Variants in RIMS2 observed in about 807,000 individuals in gnomAD.
RIMS2 encodes the protein regulating synaptic membrane exocytosis protein 2.
In RIMS2, 59 loss-of-function variants were observed where a neutral mutation model predicts 174.4. The observed-to-expected ratio is 0.34, with a 90% CI of 0.27 to 0.42. RIMS2 has a LOEUF of 0.42. RIMS2 is among the 10% of genes least tolerant of loss of function. The probability of loss-of-function intolerance (pLI) is 1.00; values close to 1 mark genes in which losing one functional copy is unlikely to be tolerated. For synonymous variants in RIMS2, 606 were observed against 572.5 expected (o/e 1.06, Z -0.84); for missense variants, 1,620 against 1,666.3 (o/e 0.97, Z 0.48).
chr8:103,773,711 CAA>C (rs905470395), intron 3 of RIMS2, among the ~76,000 whole-genome samples: 5 of 151,958 alleles, frequency 3.3e-5, no homozygotes, highest in African/African-American at 1.2e-4. Context: ...GCCTGGGCGA[CAA>C]GAGCAAAACT....
intron 19 of RIMS2, among the ~76,000 whole-genome samples, chr8:104,057,198 A>G (rs987183157): frequency 6.6e-6 from 1 of 151,044 alleles, no homozygotes; most frequent in Non-Finnish European, 1.5e-5. Context: ...TCCCATGCAT[A>G]TGGGACCACA....
At chr8:104,067,590 C>T (rs1222710469) in intron 19 of RIMS2, among the ~76,000 whole-genome samples, 1 of 152,004 alleles carries the variant, frequency 6.6e-6, no homozygotes, top group Non-Finnish European at 1.5e-5. Flanking sequence ...CGGGGTCATG[C>T]TATATTGCCC....
intron 1 of RIMS2, among the ~76,000 whole-genome samples, chr8:103,664,429 A>G (rs950774395): frequency 2.6e-5 from 4 of 152,202 alleles, no homozygotes; most frequent in South Asian, 2.1e-4. Context: ...ACAGATTTAC[A>G]AGAAAAAAAA....
chr8:103,658,602 G>T (rs1384636641), intron 1 of RIMS2, among the ~76,000 whole-genome samples: 4 of 152,132 alleles, frequency 2.6e-5, no homozygotes, highest in Admixed American at 2.0e-4. Context: ...ACTCCCAGTG[G>T]AGAAGATTTT....
At chr8:103,589,398 A>G (rs1563908831) in intron 1 of RIMS2, among the ~76,000 whole-genome samples, 2 of 151,664 alleles carry the variant, frequency 1.3e-5, no homozygotes. Context: ...ACTCCAGTTA[A>G]AATGGTTTAT....
At chr8:103,572,706 T>C (rs2092923956) in intron 1 of RIMS2, among the ~76,000 whole-genome samples, 3 of 152,236 alleles carry the variant, frequency 2.0e-5, no homozygotes, top group African/African-American at 7.2e-5. Context: ...ATGTCTTCTT[T>C]TGAGAAATAT....
At chr8:103,695,710 G>A (rs2097092375) in intron 1 of RIMS2, among the ~76,000 whole-genome samples, 1 of 150,894 alleles carries the variant, frequency 6.6e-6, no homozygotes, top group Non-Finnish European at 1.5e-5. Context: ...CTGTGTATGA[G>A]ATCCTGGGTT....
chr8:103,760,085 A>G (rs183116216), intron 2 of RIMS2, among the ~76,000 whole-genome samples: 26 of 152,352 alleles, frequency 1.7e-4, no homozygotes, highest in Admixed American at 1.5e-3. Flanking sequence ...AGAGAAATAA[A>G]TACGCTACCT....
intron 19 of RIMS2, among the ~76,000 whole-genome samples, chr8:104,106,274 A>G (rs540204582): frequency 4.0e-5 from 6 of 148,660 alleles, no homozygotes; most frequent in African/African-American, 1.5e-4. Context: ...AGACTTTTAC[A>G]GTTTTACTTT....
chr8:103,538,815 TG>T (rs1192995738), intron 1 of RIMS2, among the ~76,000 whole-genome samples: 2 of 152,330 alleles, frequency 1.3e-5, no homozygotes, highest in Non-Finnish European at 2.9e-5. Context: ...CCTAGTCCAT[TG>T]TATCATTCTT....
At chr8:103,732,604 C>A (rs531845105) in intron 2 of RIMS2, among the ~76,000 whole-genome samples, 2 of 152,126 alleles carry the variant, frequency 1.3e-5, no homozygotes, top group Admixed American at 6.5e-5. Flanking sequence ...AGTTGGGAAC[C>A]CTTGAAATCT....
In RIMS2 at chr8:104,140,049, T is replaced by C. The variant is rs558258409; in HGVS notation, c.3335-104867T>C. Among the ~76,000 whole-genome samples the C allele has an allele frequency of 3.5e-4, 53 of 152,348 alleles. 1 individual carries two copies. The highest frequency in any genetic ancestry group is 6.3e-4 in the Non-Finnish European group (43 of 68,024). On this transcript the variant is annotated intron_variant, in intron 19 of 23. Transcript: ENST00000504942. The stretch of plus-strand genomic sequence containing the variant: ...TGGTTTTTGTCCTTCATTCTGTTGA[T>C]ACAATGTATCACATTGATTGATTTA...
At chr8:103,840,467 T>C (rs1413883068) in intron 3 of RIMS2, among the ~76,000 whole-genome samples, 1 of 152,132 alleles carries the variant, frequency 6.6e-6, no homozygotes, top group Non-Finnish European at 1.5e-5. Context: ...TGTATAATAT[T>C]TTAGAGTTTG....
intron 19 of RIMS2, among the ~76,000 whole-genome samples, chr8:104,062,872 T>C (rs2097028689): frequency 6.6e-6 from 1 of 152,130 alleles, no homozygotes; most frequent in Non-Finnish European, 1.5e-5. Flanking sequence ...ATAAGATAGT[T>C]ATCAAAATTA....
chr8:103,551,225 G>A (rs1447841707), intron 1 of RIMS2, among the ~76,000 whole-genome samples: 1 of 152,170 alleles, frequency 6.6e-6, no homozygotes, highest in Non-Finnish European at 1.5e-5. Context: ...ACTGAATCCA[G>A]CAGCACATCA....
intron 2 of RIMS2, among the ~76,000 whole-genome samples, chr8:103,698,206 G>A (rs545350052): frequency 6.6e-6 from 1 of 152,020 alleles, no homozygotes; most frequent in South Asian, 2.1e-4. Flanking sequence ...ACTTATAATT[G>A]TTTCCCCTGG....
At chr8:104,081,731 A>G (rs1242656739) in intron 19 of RIMS2, among the ~76,000 whole-genome samples, 3 of 152,070 alleles carry the variant, frequency 2.0e-5, no homozygotes, top group Non-Finnish European at 4.4e-5. Flanking sequence ...TCACTTCTCT[A>G]TTTCTCAATT....
intron 19 of RIMS2, among the ~76,000 whole-genome samples, chr8:104,022,059 G>GA (rs2096111568): frequency 6.6e-6 from 1 of 152,124 alleles, no homozygotes; most frequent in Non-Finnish European, 1.5e-5. Context: ...GCAAAAGTCT[G>GA]AAAAATATCT....
intron 19 of RIMS2, among the ~76,000 whole-genome samples, chr8:104,124,994 G>A (rs2098416755): frequency 6.6e-6 from 1 of 152,138 alleles, no homozygotes; most frequent in Admixed American, 6.6e-5. Flanking sequence ...CTTAGTGAGT[G>A]GGGAGTAGCT....
Sources: allele counts gnomAD v4.1 joint callset (sites outside exome capture counted in the v4.1 genomes callset), GRCh38; gene constraint gnomAD v4.1.1; transcripts MANE v1.5; gene names NCBI Gene and HGNC (gene_info 2026-07-23, HGNC 2026-07-21).